AGBL2: variants seen among roughly 807,000 people sequenced by gnomAD.
AGBL2 encodes the protein cytosolic carboxypeptidase 2.
Under a neutral mutation model 103.0 loss-of-function variants are expected in AGBL2, and 87 were observed. The ratio of observed to expected loss-of-function variants is 0.84; its 90% CI spans 0.71 to 1.01. AGBL2 has a LOEUF of 1.01. AGBL2 is among the 50% of genes least tolerant of loss of function. The probability of loss-of-function intolerance (pLI) is 0.00; values close to 1 mark genes in which losing one functional copy is unlikely to be tolerated. For missense variants in AGBL2, 904 were observed against 1,023.5 expected, an observed-to-expected ratio of 0.88 and a Z score of 1.59; for synonymous variants, 335 against 356.7, an observed-to-expected ratio of 0.94 and a Z score of 0.69.
chr11:47,669,544 T>C (rs1452705923), intron 14 of AGBL2, among the ~76,000 whole-genome samples: 1 of 151,904 alleles, frequency 6.6e-6, no homozygotes, highest in African/African-American at 2.4e-5. Flanking sequence ...CTGGGTGTGG[T>C]GGCGCACGCC....
At chr11:47,688,630 C>T (rs146132729) in intron 10 of AGBL2, among the ~76,000 whole-genome samples, 2 of 152,184 alleles carry the variant, frequency 1.3e-5, no homozygotes, top group Non-Finnish European at 2.9e-5. Flanking sequence ...TCACAGTAAC[C>T]ACCCAAGGCA....
rs771847481 is a variant in AGBL2 at position 47,663,043 on chromosome 11, T to C, written c.2518A>G (p.Asn840Asp). 6.2e-7 allele frequency: 1 copy of C among 1,610,860 alleles called. No homozygotes were observed. Among genetic ancestry groups the C allele is most frequent in the Non-Finnish European group, 8.5e-7 (1 of 1,178,776 alleles). The change falls in exon 18 of 19, where the codon AAT becomes GAT. Residue 840 changes from asparagine (N) to aspartate (D), a missense_variant. Transcript: ENST00000525123. ...PSMATLILPK[N>D]KGRMQNKKPG... ...TGAAGTACCTGCATTCTCCCTTTAT[T>C]CTTAGGCAGAATCAGGGTGGCCATT...
chr11:47,663,820 T>G (rs1248791823), intron 17 of AGBL2, among the ~76,000 whole-genome samples: 1 of 151,466 alleles, frequency 6.6e-6, no homozygotes, highest in Non-Finnish European at 1.5e-5. Flanking sequence ...CCTCCCAAAG[T>G]GCTGGAATTA....
intron 2 of AGBL2, 121 bp downstream of exon 2, chr11:47,714,497 C>T (rs961089989): frequency 1.5e-6 from 2 of 1,362,698 alleles, no homozygotes; most frequent in African/African-American, 2.9e-5. Context: ...ATCAAGATCT[C>T]CAGCTGAGAA....
chr11:47,672,009 G>A (rs1408455439), intron 14 of AGBL2, among the ~76,000 whole-genome samples: 1 of 152,164 alleles, frequency 6.6e-6, no homozygotes, highest in Non-Finnish European at 1.5e-5. Context: ...GGCAAATTGG[G>A]TTCAATAATT....
chr11:47,708,202 G>C (rs943730006), intron 4 of AGBL2, among the ~76,000 whole-genome samples: 2 of 151,880 alleles, frequency 1.3e-5, no homozygotes, highest in Non-Finnish European at 2.9e-5. Flanking sequence ...TGAGTAGCTG[G>C]GATTACAGGT....
chr11:47,675,571 T>C (rs909954054), intron 14 of AGBL2, among the ~76,000 whole-genome samples: 8 of 151,876 alleles, frequency 5.3e-5, no homozygotes, highest in Non-Finnish European at 1.2e-4. Flanking sequence ...GTATTTTTAA[T>C]AGAGATGGGG....
chr11:47,663,185 C>A lies in AGBL2; in HGVS notation c.2449-73G>T. On this transcript the variant is annotated intron_variant, in intron 17 of 18. Transcript: ENST00000525123. ...GTGATTACAGTGAATATACATTATT[C>A]ATTTGTTTCTTATTCATACATGTTG... The A allele has an allele frequency of 4.4e-6, 4 of 906,344 alleles. No homozygotes were observed. In the South Asian group the frequency reaches 4.8e-5, roughly 11 times the overall value. 56.1% of individuals were successfully genotyped at this position (906,344 alleles called of 1,614,324 possible). A position where few individuals can be genotyped will look rare whatever the true frequency, so the allele number is the denominator to read the frequency against.
intron 7 of AGBL2, among the ~76,000 whole-genome samples, 195 bp from the exon 8 acceptor site, chr11:47,699,748 T>A (rs1193963818): frequency 2.0e-5 from 3 of 152,152 alleles, no homozygotes; most frequent in African/African-American, 7.2e-5. Context: ...ATGAGGACAC[T>A]TTTAACAAAG....
At chr11:47,708,599 A>C (rs1426609073) in intron 4 of AGBL2, among the ~76,000 whole-genome samples, 2 of 146,090 alleles carry the variant, frequency 1.4e-5, no homozygotes, top group Non-Finnish European at 3.0e-5. Context: ...GCGGGTCGCG[A>C]GGTCAAGAGA....
At chr11:47,710,710 G>A (rs1274753309) in intron 3 of AGBL2, 199 bp from the exon 4 acceptor site, 10 of 668,884 alleles carry the variant, frequency 1.5e-5, no homozygotes, top group Non-Finnish European at 2.4e-5. Flanking sequence ...TACAGCTGAG[G>A]AAATGGATGT....
intron 16 of AGBL2, 40 bp from the exon 17 acceptor site, chr11:47,667,103 AT>A (rs772138602): frequency 7.2e-7 from 1 of 1,382,448 alleles, no homozygotes; most frequent in South Asian, 1.4e-5. Context: ...CAATTGATCT[AT>A]TCAAAATTGA....
In AGBL2 at chr11:47,681,306, TG is replaced by T. The variant is rs766263370; in HGVS notation, c.1915+662del. Among the ~76,000 whole-genome samples the T allele has an allele frequency of 2.0e-4, 31 of 152,012 alleles. 1 individual carries two copies. Among genetic ancestry groups the T allele is most frequent in the Non-Finnish European group, 4.0e-4 (27 of 68,000 alleles). Reference sequence around the variant, plus strand: ...ATGATCATGCCACTACACTCTAGCCTGGGTGAAAGAAACCCTGTCTCAAAAA... The same window carrying T: ...ATGATCATGCCACTACACTCTAGCCTGGTGAAAGAAACCCTGTCTCAAAAA... On this transcript the variant is annotated intron_variant, in intron 12 of 18. Coordinates refer to ENST00000525123, the MANE Select transcript of AGBL2 (RefSeq NM_024783.4).
chr11:47,681,938 G>A (rs771452694), intron 12 of AGBL2, 31 bp downstream of exon 12: 1 of 1,598,138 alleles, frequency 6.3e-7, no homozygotes, highest in Admixed American at 1.8e-5. Flanking sequence ...CCCTTCCTAT[G>A]CTGGCCTATG....
chr11:47,683,881 A>G (rs1411654910), intron 11 of AGBL2, among the ~76,000 whole-genome samples: 3 of 150,084 alleles, frequency 2.0e-5, no homozygotes, highest in Admixed American at 6.7e-5. Context: ...GCTTGAACCC[A>G]GGAGTTCAAG....
intron 15 of AGBL2, 135 bp downstream of exon 15, chr11:47,668,706 C>T: frequency 1.6e-6 from 1 of 617,676 alleles, no homozygotes; most frequent in East Asian, 2.7e-5. Flanking sequence ...GACTTTAGGG[C>T]AAGGTGACTA....
At chr11:47,683,589 T>C (rs994170769) in intron 11 of AGBL2, among the ~76,000 whole-genome samples, 11 of 148,936 alleles carry the variant, frequency 7.4e-5, no homozygotes, top group Non-Finnish European at 3.0e-5. Flanking sequence ...GTCAACATGG[T>C]GAAACCCCGT....
intron 13 of AGBL2, among the ~76,000 whole-genome samples, chr11:47,678,288 C>CTATTTTATTTTATTTTATTTTATTT (rs10557006): frequency 2.9e-4 from 36 of 123,926 alleles, no homozygotes; most frequent in African/African-American, 9.2e-4. Flanking sequence ...ATGCAATACT[C>CTATTTTATTTTATTTTATTTTATTT]TATTTTATTT....
Position 47,690,465 on chromosome 11 carries a change from AG to A in AGBL2, c.1241del (p.Pro414LeufsTer16), listed in dbSNP as rs1230307779. The A allele has an allele frequency of 6.2e-7, 1 of 1,614,132 alleles. No individual in the cohort carries two copies. The highest frequency in any genetic ancestry group is 1.7e-5 in the Admixed American group (1 of 59,986). ...QCYLLSVANN[P>X]IQSQFCKLQT... ...GGAGCTTGCAGAACTGAGACTGGAT[AG>A]GGTTGTTTGCCACTGACAGGAGGTA... On this transcript the variant is annotated frameshift_variant, in exon 10 of 19. Coordinates refer to ENST00000525123, the MANE Select transcript of AGBL2 (RefSeq NM_024783.4). LOFTEE classifies it high-confidence loss of function.
Sources: allele counts gnomAD v4.1 joint callset (sites outside exome capture counted in the v4.1 genomes callset), GRCh38; gene constraint gnomAD v4.1.1; transcripts MANE v1.5; gene names NCBI Gene and HGNC (gene_info 2026-07-23, HGNC 2026-07-21).